NALF1: variants seen among roughly 807,000 people sequenced by gnomAD.
NALF1 encodes family with sequence similarity 155 member A.
In NALF1, 3 loss-of-function variants were observed where a neutral mutation model predicts 48.4. The observed-to-expected ratio is 0.06, with a 90% CI of 0.03 to 0.16. The LOEUF is 0.16. NALF1 is among the 10% of genes least tolerant of loss of function. NALF1 has a pLI of 1.00. For synonymous variants in NALF1, 262 were observed against 245.7 expected (o/e 1.07, Z -0.62); for missense variants, 526 against 571.5 (o/e 0.92, Z 0.81).
At chr13:107,667,893 T>C (rs565429614) in intron 1 of NALF1, among the ~76,000 whole-genome samples, 9 of 152,252 alleles carry the variant, frequency 5.9e-5, no homozygotes, top group African/African-American at 1.9e-4. Flanking sequence ...GAAAATATTT[T>C]CTTATTTCTT....
intron 1 of NALF1, among the ~76,000 whole-genome samples, chr13:107,309,714 A>G (rs1009560846): frequency 7.9e-5 from 12 of 152,206 alleles, no homozygotes; most frequent in Admixed American, 5.9e-4. Flanking sequence ...CTGAGTCTCA[A>G]TTAACATTTT....
chr13:107,653,812 T>C (rs1880507606), intron 1 of NALF1, among the ~76,000 whole-genome samples: 1 of 151,912 alleles, frequency 6.6e-6, no homozygotes, highest in Non-Finnish European at 1.5e-5. Flanking sequence ...AAAGAAATGG[T>C]AAATAAAAAT....
At chr13:107,811,651 ATAGCAG>A (rs1878995730) in intron 1 of NALF1, among the ~76,000 whole-genome samples, 1 of 152,178 alleles carries the variant, frequency 6.6e-6, no homozygotes, top group Non-Finnish European at 1.5e-5. Flanking sequence ...TTCTGCTGCT[ATAGCAG>A]AATGCTACAG....
At chr13:107,297,108 AG>A (rs1161183325) in intron 1 of NALF1, among the ~76,000 whole-genome samples, 4 of 152,070 alleles carry the variant, frequency 2.6e-5, no homozygotes, top group African/African-American at 9.7e-5. Context: ...GAGCACCCCG[AG>A]CCTCTCAGTC....
chr13:107,611,765 A>G (rs1879228850), intron 1 of NALF1, among the ~76,000 whole-genome samples: 2 of 151,202 alleles, frequency 1.3e-5, no homozygotes, highest in Admixed American at 1.3e-4. Context: ...AAAAAAAGAG[A>G]ACAAAAAATT....
chr13:107,577,977 A>G (rs900118238), intron 1 of NALF1, among the ~76,000 whole-genome samples: 4 of 152,130 alleles, frequency 2.6e-5, no homozygotes, highest in African/African-American at 9.7e-5. Flanking sequence ...TTCCAGCTTA[A>G]AACCCTTTGA....
chr13:107,717,774 A>T (rs1276191503), intron 1 of NALF1, among the ~76,000 whole-genome samples: 1 of 152,224 alleles, frequency 6.6e-6, no homozygotes, highest in African/African-American at 2.4e-5. Context: ...CCAAATTTCC[A>T]ATCTTAGCCT....
chr13:107,759,845 G>T (rs9514734), intron 1 of NALF1, among the ~76,000 whole-genome samples: 12,485 of 150,246 alleles, frequency 0.083, 636 homozygotes, highest in East Asian at 0.18. Flanking sequence ...ACCAAATGTT[G>T]TCCCCCCCAT....
At chr13:107,280,004 C>T (rs573530017) in intron 1 of NALF1, among the ~76,000 whole-genome samples, 1 of 152,250 alleles carries the variant, frequency 6.6e-6, no homozygotes, top group Admixed American at 6.5e-5. Flanking sequence ...GTTGCCCAGG[C>T]TGGTCTTGAA....
chr13:107,672,792 G>T (rs533684036), intron 1 of NALF1, among the ~76,000 whole-genome samples: 9 of 152,142 alleles, frequency 5.9e-5, no homozygotes, highest in African/African-American at 2.2e-4. Flanking sequence ...ATTATCTGAG[G>T]TAAAAAATTT....
At chr13:107,659,105 T>A (rs74715276) in intron 1 of NALF1, among the ~76,000 whole-genome samples, 38 of 92,548 alleles carry the variant, frequency 4.1e-4, no homozygotes, top group South Asian at 3.1e-3. Flanking sequence ...ACTGACACAC[T>A]GACACACAGA....
intron 1 of NALF1, among the ~76,000 whole-genome samples, chr13:107,402,532 A>G (rs1382837880): frequency 6.6e-6 from 1 of 152,200 alleles, no homozygotes; most frequent in African/African-American, 2.4e-5. Flanking sequence ...TTACACAGCA[A>G]TAGGTAACCA....
intron 1 of NALF1, among the ~76,000 whole-genome samples, chr13:107,415,063 A>G (rs963296850): frequency 6.6e-6 from 1 of 152,202 alleles, no homozygotes; most frequent in Non-Finnish European, 1.5e-5. Flanking sequence ...CATTAAGCAA[A>G]ATAATAGCCT....
At chr13:107,229,192 A>G (rs1206914596) in intron 1 of NALF1, among the ~76,000 whole-genome samples, 2 of 152,150 alleles carry the variant, frequency 1.3e-5, no homozygotes, top group Non-Finnish European at 2.9e-5. Flanking sequence ...TGAAGTAATA[A>G]TACATTTAGG....
At chr13:107,346,289 G>T (rs1882771506) in intron 1 of NALF1, among the ~76,000 whole-genome samples, 1 of 152,052 alleles carries the variant, frequency 6.6e-6, no homozygotes, top group South Asian at 2.1e-4. Flanking sequence ...ATATCCAAAA[G>T]AATTAAAAAC....
intron 1 of NALF1, among the ~76,000 whole-genome samples, chr13:107,233,343 C>T (rs1301468081): frequency 6.6e-6 from 1 of 152,042 alleles, no homozygotes; most frequent in Non-Finnish European, 1.5e-5. Context: ...TCTCAGTCAT[C>T]GATCAGTAGT....
At chr13:107,857,586 C>T (rs773819278) in intron 1 of NALF1, among the ~76,000 whole-genome samples, 30 of 152,146 alleles carry the variant, frequency 2.0e-4, no homozygotes, top group Admixed American at 6.5e-4. Flanking sequence ...AAATGTAGCA[C>T]ATGTTAATCT....
intron 1 of NALF1, among the ~76,000 whole-genome samples, chr13:107,811,046 G>A (rs1362566236): frequency 6.6e-6 from 1 of 152,050 alleles, no homozygotes; most frequent in Non-Finnish European, 1.5e-5. Flanking sequence ...ATCCTGTGAT[G>A]TACTGTGACA....
rs1273722160 is a variant in NALF1 at position 107,525,109 on chromosome 13, A to AT, written c.916-314355dup. On this transcript the variant is annotated intron_variant, in intron 1 of 2. Coordinates refer to ENST00000375915, the MANE Select transcript of NALF1 (RefSeq NM_001080396.3). ...ATTTCAAGAAACTATATGAACCCCT[A>AT]TTTTTTATTGCATTTTAAATTAACA... Among the ~76,000 whole-genome samples, 13 of 152,204 alleles carry AT rather than the reference A, an allele frequency of 8.5e-5. 1 individual carries two copies. Among genetic ancestry groups the AT allele is most frequent in the African/African-American group, 2.6e-4 (11 of 41,536 alleles).
Sources: gnomAD v4.1 joint callset for allele counts (sites outside exome capture counted in the v4.1 genomes callset) on GRCh38, gnomAD v4.1.1 for gene constraint, MANE v1.5 for transcripts, NCBI Gene and HGNC (gene_info 2026-07-23, HGNC 2026-07-21) for gene names.